The following NCALD variants were observed in gnomAD, a reference collection of about 807,000 sequenced individuals.
The protein encoded by NCALD is neurocalcin delta, also known as neurocalcin-delta.
NCALD carries 10 observed loss-of-function variants against 18.6 expected under a neutral mutation model. The ratio of observed to expected loss-of-function variants is 0.54; its 90% confidence interval spans 0.33 to 0.91. The LOEUF is 0.91. Among genes scored for constraint, NCALD ranks in the 40% least tolerant of loss-of-function variants. The probability of loss-of-function intolerance (pLI) is 0.03; values close to 1 mark genes in which losing one functional copy is unlikely to be tolerated. For missense variants in NCALD, 184 were observed against 247.6 expected, an observed-to-expected ratio of 0.74 and a Z score of 1.72; for synonymous variants, 88 against 87.4, an observed-to-expected ratio of 1.01 and a Z score of -0.04.
Position 101,689,173 on chromosome 8 carries a change from G to T in NCALD, c.*136C>A. 2 of 799,708 alleles carry T rather than the reference G, an allele frequency of 2.5e-6. No homozygotes were observed. Among genetic ancestry groups the T allele is most frequent in the African/African-American group, 1.7e-5 (1 of 58,926 alleles). The allele number at this position is 799,708 out of a possible 1,614,324, so 49.5% of individuals were successfully genotyped here. ...CGACAAAAGAAGCTGAAGGCGTCACGGAGGAAGGCGCATCAGACCGCACAG... is the reference window on the plus strand; with the variant it reads ...CGACAAAAGAAGCTGAAGGCGTCACTGAGGAAGGCGCATCAGACCGCACAG... On this transcript the variant is annotated 3_prime_UTR_variant, in exon 4 of 4. Transcript: ENST00000220931. This position sits in a 1 kb window ranked among gnomAD's most constrained non-coding sequence, Gnocchi z 4.4.
At chr8:101,880,586 C>G (rs1033842678) in intron 4 of NCALD, among the ~76,000 whole-genome samples, 1 of 152,220 alleles carries the variant, frequency 6.6e-6, no homozygotes, top group African/African-American at 2.4e-5. Flanking sequence ...TAGTCACAGA[C>G]AGGACACCTA....
At chr8:101,944,279 T>C (rs2131773666) in intron 2 of NCALD, among the ~76,000 whole-genome samples, 1 of 152,284 alleles carries the variant, frequency 6.6e-6, no homozygotes, top group Admixed American at 6.5e-5. Flanking sequence ...CACCTAAAGG[T>C]AGTTTTCACA....
chr8:101,704,861 G>T (rs957754562), intron 2 of NCALD, among the ~76,000 whole-genome samples: 3 of 151,546 alleles, frequency 2.0e-5, no homozygotes, highest in Admixed American at 1.3e-4. Context: ...AGAGGTTGCA[G>T]TAAGCTGAGA....
chr8:101,818,263 C>T (rs1483674289), intron 4 of NCALD, among the ~76,000 whole-genome samples: 4 of 152,118 alleles, frequency 2.6e-5, no homozygotes, highest in Admixed American at 6.5e-5. Context: ...AACACTGTTA[C>T]AGTAATAATA....
intron 2 of NCALD, among the ~76,000 whole-genome samples, chr8:102,007,242 T>C (rs1198092955): frequency 6.6e-6 from 1 of 152,236 alleles, no homozygotes; most frequent in Non-Finnish European, 1.5e-5. Context: ...TTTTGACAAA[T>C]TATTTGGTCT....
At chr8:101,916,625 C>A (rs1033227971) in intron 2 of NCALD, among the ~76,000 whole-genome samples, 4 of 152,018 alleles carry the variant, frequency 2.6e-5, no homozygotes, top group Non-Finnish European at 5.9e-5. Context: ...CTTCAAGAGA[C>A]CCATAGGCTC....
At chr8:101,884,937 TG>T (rs1170793267) in intron 4 of NCALD, among the ~76,000 whole-genome samples, 13 of 152,218 alleles carry the variant, frequency 8.5e-5, no homozygotes, top group Non-Finnish European at 5.9e-5. Flanking sequence ...GGTATTCTGT[TG>T]ACAAAATCAA....
intron 2 of NCALD, among the ~76,000 whole-genome samples, chr8:101,919,180 G>T (rs576154220): frequency 6.6e-6 from 1 of 152,164 alleles, no homozygotes; most frequent in African/African-American, 2.4e-5. Flanking sequence ...GCAAAAACAG[G>T]CACATAAACC....
chr8:101,969,202 C>CA (rs1047570221), intron 2 of NCALD, among the ~76,000 whole-genome samples: 5 of 152,052 alleles, frequency 3.3e-5, no homozygotes, highest in Non-Finnish European at 5.9e-5. Context: ...ATTTTTAATT[C>CA]AAAAAAATAC....
chr8:101,831,219 GTGAAATAGCATGAACCC>G (rs1452931590), intron 4 of NCALD, among the ~76,000 whole-genome samples: 4 of 152,194 alleles, frequency 2.6e-5, no homozygotes, highest in Non-Finnish European at 1.5e-5. Context: ...CACTGGTCTA[GTGAAATAGCATGAACCC>G]TGGGCTGTCT....
At chr8:101,845,715 C>A (rs924595881) in intron 4 of NCALD, among the ~76,000 whole-genome samples, 1 of 152,140 alleles carries the variant, frequency 6.6e-6, no homozygotes, top group East Asian at 1.9e-4. Flanking sequence ...TTGAAATATA[C>A]AGTAGATTAT....
At chr8:102,036,126 A>AAAATAAATAAATTAATAAATAAATAAAT (rs370415924) in intron 1 of NCALD, among the ~76,000 whole-genome samples, 1 of 148,880 alleles carries the variant, frequency 6.7e-6, no homozygotes, top group South Asian at 2.1e-4. Flanking sequence ...CATCTCTACA[A>AAAATAAATAAATTAATAAATAAATAAAT]AAATAAATAA....
intron 1 of NCALD, among the ~76,000 whole-genome samples, chr8:101,742,188 G>A (rs1367966159): frequency 1.3e-5 from 2 of 151,286 alleles, no homozygotes; most frequent in African/African-American, 4.9e-5. Flanking sequence ...CTGAAGTGGT[G>A]CACCACTGCA....
At chr8:102,104,437 C>CA (rs566240730) in intron 1 of NCALD, among the ~76,000 whole-genome samples, 6 of 152,008 alleles carry the variant, frequency 3.9e-5, no homozygotes, top group Non-Finnish European at 8.8e-5. Context: ...TTGTTTTTCT[C>CA]AAAAAGTTGC....
intron 2 of NCALD, 59 bp downstream of exon 2, chr8:101,719,193 C>T (rs1816233115): frequency 1.3e-6 from 2 of 1,569,208 alleles, no homozygotes. Context: ...TACTGTGCAC[C>T]TTCCAATTCT....
intron 1 of NCALD, among the ~76,000 whole-genome samples, chr8:102,053,484 T>G (rs1208059274): frequency 3.3e-5 from 5 of 152,124 alleles, no homozygotes; most frequent in Non-Finnish European, 7.4e-5. Flanking sequence ...GATTCAGCAT[T>G]TTCCGTGTGT....
intron 2 of NCALD, among the ~76,000 whole-genome samples, chr8:101,954,531 T>C (rs1375655150): frequency 6.6e-6 from 1 of 152,148 alleles, no homozygotes; most frequent in East Asian, 1.9e-4. Context: ...GAAACAATCG[T>C]CATCCTCTTT....
chr8:101,755,049 T>G (rs929776918), intron 1 of NCALD, among the ~76,000 whole-genome samples: 1 of 152,232 alleles, frequency 6.6e-6, no homozygotes, highest in Non-Finnish European at 1.5e-5. Flanking sequence ...GGTACTTGGT[T>G]AGACACCACC....
At chr8:101,781,721 T>C (rs1284610717) in intron 1 of NCALD, among the ~76,000 whole-genome samples, 1 of 152,210 alleles carries the variant, frequency 6.6e-6, no homozygotes, top group Non-Finnish European at 1.5e-5. Flanking sequence ...ATCATCAATA[T>C]CAACGCATTA....
Sources: gnomAD v4.1 joint callset for allele counts (sites outside exome capture counted in the v4.1 genomes callset) on GRCh38, gnomAD v4.1.1 for gene constraint, Gnocchi (gnomAD v3.1) non-coding constraint, MANE v1.5 for transcripts, NCBI Gene and HGNC (gene_info 2026-07-23, HGNC 2026-07-21) for gene names.